Variants in COL26A1 observed in about 807,000 individuals in gnomAD.
COL26A1 encodes the protein collagen alpha-1(XXVI) chain.
Under a neutral mutation model 59.3 loss-of-function variants are expected in COL26A1, and 41 were observed. The ratio of observed to expected loss-of-function variants is 0.69; its 90% CI spans 0.54 to 0.90. The LOEUF (loss-of-function observed/expected upper bound fraction) is 0.90. Ranked by LOEUF, COL26A1 falls within the 40% of genes least tolerant of loss-of-function variation. COL26A1 has a pLI of 0.00. For synonymous variants in COL26A1, 266 were observed against 256.0 expected (o/e 1.04, Z -0.37); for missense variants, 612 against 602.3 (o/e 1.02, Z -0.17).
intron 3 of COL26A1, among the ~76,000 whole-genome samples, chr7:101,489,830 CTTTCTTTCTTTCTTTCTTTCTTTCTTT>C (rs1794397498): frequency 4.3e-4 from 5 of 11,574 alleles, no homozygotes; most frequent in Non-Finnish European, 5.4e-4. Flanking sequence ...TTCTTTCTTT[CTTTCTTTCTTTCTTTCTTTCTTTCTTT>C]CTTTCTTTCT....
intron 3 of COL26A1, among the ~76,000 whole-genome samples, chr7:101,525,749 GC>G (rs1309449127): frequency 6.6e-6 from 1 of 152,100 alleles, no homozygotes; most frequent in African/African-American, 2.4e-5. Flanking sequence ...GCCCACCTTG[GC>G]CTCCCAAAGT....
rs74483921 is a variant in COL26A1, at chr7:101,547,281, C to T, written c.940+42C>T. On this transcript the variant is annotated intron_variant, in intron 8 of 12. Coordinates refer to ENST00000313669, the MANE Select transcript of COL26A1 (RefSeq NM_001278563.3). ...CTGGCCTGCATTGAGGACTCCATCCCCCCAGGGCTGGCCTGAGCCATGGGG... is the reference window on the plus strand; with the variant it reads ...CTGGCCTGCATTGAGGACTCCATCCTCCCAGGGCTGGCCTGAGCCATGGGG... 3.5e-6 allele frequency: 5 copies of T among 1,436,540 alleles called. No individual in the cohort carries two copies. In the African/African-American group the frequency reaches 5.7e-5, roughly 16 times the overall value. The allele number at this position is 1,436,540 out of a possible 1,614,324, so 89.0% of individuals were successfully genotyped here. A position where few individuals can be genotyped will look rare whatever the true frequency, so the allele number is the denominator to read the frequency against.
chr7:101,453,004 G>A (rs10266820), intron 3 of COL26A1, among the ~76,000 whole-genome samples: 9 of 152,004 alleles, frequency 5.9e-5, no homozygotes, highest in Admixed American at 2.6e-4. Context: ...GCCCGCCCCC[G>A]CCTCCCAAAG....
At chr7:101,537,626 G>A (rs1795507932) in intron 4 of COL26A1, among the ~76,000 whole-genome samples, 2 of 152,222 alleles carry the variant, frequency 1.3e-5, no homozygotes, top group African/African-American at 4.8e-5. Context: ...GTGGGCAGGG[G>A]TGTCCCAGTG....
chr7:101,375,989 GAAAAAA>G (rs35433251), intron 1 of COL26A1, among the ~76,000 whole-genome samples: 7 of 122,794 alleles, frequency 5.7e-5, no homozygotes, highest in African/African-American at 1.3e-4. Flanking sequence ...CCATCTCAAA[GAAAAAA>G]AAAAAAAAAA....
intron 1 of COL26A1, 139 bp downstream of exon 1, chr7:101,363,329 G>T (rs1269937208): frequency 1.9e-5 from 13 of 696,358 alleles, no homozygotes; most frequent in Non-Finnish European, 2.6e-5. Context: ...GGGCAGCGGG[G>T]ACTGGGGGCT....
chr7:101,452,018 C>T (rs991171696), intron 3 of COL26A1, among the ~76,000 whole-genome samples: 2 of 152,006 alleles, frequency 1.3e-5, no homozygotes, highest in African/African-American at 4.8e-5. Context: ...AAATCATTTG[C>T]TTTTTACCAG....
At chr7:101,478,074 C>T (rs1417915250) in intron 3 of COL26A1, among the ~76,000 whole-genome samples, 3 of 152,164 alleles carry the variant, frequency 2.0e-5, no homozygotes, top group Admixed American at 2.0e-4. Flanking sequence ...CTTCTGCCTC[C>T]CAGGTTGAAG....
chr7:101,468,996 T>G (rs73712166), intron 3 of COL26A1, among the ~76,000 whole-genome samples: 5,488 of 152,170 alleles, frequency 0.036, 339 homozygotes, highest in African/African-American at 0.13. Flanking sequence ...TGAAATGGGG[T>G]TGGGAGAGAG....
At position 101,557,277 on chromosome 7, in the gene COL26A1, G is replaced by A. The variant is rs766594105; in HGVS notation, c.1166-93G>A. 1.3e-4 allele frequency: 176 copies of A among 1,330,394 alleles called. 1 individual carries two copies. Among genetic ancestry groups the A allele is most frequent in the Admixed American group, 3.0e-4 (13 of 44,014 alleles). The allele number at this position is 1,330,394 out of a possible 1,614,324, so 82.4% of individuals were successfully genotyped here. A position where few individuals can be genotyped will look rare whatever the true frequency, so the allele number is the denominator to read the frequency against. ...TGCCTTGCTTCTCCACGCTGGGCAAGAGCATCTCTCCGTGGCCACATATCA... is the reference window on the plus strand; with the variant it reads ...TGCCTTGCTTCTCCACGCTGGGCAAAAGCATCTCTCCGTGGCCACATATCA... On this transcript the variant is annotated intron_variant, in intron 12 of 12. Coordinates refer to ENST00000313669, the MANE Select transcript of COL26A1 (RefSeq NM_001278563.3).
intron 3 of COL26A1, among the ~76,000 whole-genome samples, chr7:101,501,383 C>T (rs1794704310): frequency 6.6e-6 from 1 of 151,980 alleles, no homozygotes; most frequent in Non-Finnish European, 1.5e-5. Context: ...CTGTGTTGGG[C>T]CTGGGGTACC....
At chr7:101,437,675 A>G (rs1584407052) in intron 2 of COL26A1, among the ~76,000 whole-genome samples, 1 of 151,914 alleles carries the variant, frequency 6.6e-6, no homozygotes, top group African/African-American at 2.4e-5. Flanking sequence ...CCTGGACTCA[A>G]GTGATCCTCC....
intron 1 of COL26A1, among the ~76,000 whole-genome samples, chr7:101,372,188 C>T (rs375428359): frequency 1.2e-3 from 175 of 150,676 alleles, no homozygotes; most frequent in African/African-American, 3.9e-3. Flanking sequence ...TTTTTTGAGA[C>T]GGAGTCTGGC....
chr7:101,489,674 TTC>T (rs1794358135), intron 3 of COL26A1, among the ~76,000 whole-genome samples: 3 of 48,520 alleles, frequency 6.2e-5, no homozygotes, highest in Non-Finnish European at 1.1e-4. Context: ...CCTTCCTTCC[TTC>T]CTTCCTTTCT....
At chr7:101,551,237 G>GGC in intron 10 of COL26A1, 94 bp downstream of exon 10, 6 of 386,354 alleles carry the variant, frequency 1.6e-5, no homozygotes, top group East Asian at 5.8e-5. Context: ...TGGTGGGGGG[G>GGC]TTCAGCCCTG....
In COL26A1 at chr7:101,392,954, T is replaced by C. The variant is rs201211222; in HGVS notation, c.159-27023T>C. ...TACATGGTAAAAGGGACTGTTCAGA[T>C]GTAAACAAAATAAGGATCTTTTTTA... is the stretch of plus-strand genomic sequence containing the variant. On this transcript the variant is annotated intron_variant, in intron 1 of 12. Transcript: ENST00000313669. Among the ~76,000 whole-genome samples the C allele has an allele frequency of 3.3e-5, 5 of 152,002 alleles. No individual in the cohort carries two copies. In the East Asian group the frequency reaches 9.7e-4, roughly 29 times the overall value.
Position 101,519,214 on chromosome 7 carries a change from G to A in COL26A1, c.386-13868G>A, listed in dbSNP as rs974488718. 8.5e-5 allele frequency among the ~76,000 whole-genome samples: 13 copies of A among 152,318 alleles called. No individual in the cohort carries two copies. The East Asian group carries it at 9.6e-4, about 11-fold the overall frequency. ...TCAGGATCTGGGCACTAATGCTCATGCACCTTTTTGGGAGCTCTCCCGGAT... is the reference window on the plus strand; with the variant it reads ...TCAGGATCTGGGCACTAATGCTCATACACCTTTTTGGGAGCTCTCCCGGAT... On this transcript the variant is annotated intron_variant, in intron 3 of 12. Transcript: ENST00000313669.
intron 1 of COL26A1, among the ~76,000 whole-genome samples, chr7:101,363,995 C>T (rs1048567185): frequency 6.6e-6 from 1 of 152,130 alleles, no homozygotes; most frequent in African/African-American, 2.4e-5. Flanking sequence ...CCCCAGCCAC[C>T]CCGGGACGTG....
intron 3 of COL26A1, among the ~76,000 whole-genome samples, chr7:101,461,308 C>CTT (rs33975096): frequency 0.43 from 64,100 of 147,740 alleles, 14,505 homozygotes; most frequent in Middle Eastern, 0.53. Flanking sequence ...CCTCCTCCTT[C>CTT]TTTTTTTTTG....
Sources: gnomAD v4.1 joint callset for allele counts (sites outside exome capture counted in the v4.1 genomes callset) on GRCh38, gnomAD v4.1.1 for gene constraint, MANE v1.5 for transcripts, NCBI Gene and HGNC (gene_info 2026-07-23, HGNC 2026-07-21) for gene names.